ADAMTS2: variants seen among roughly 807,000 people sequenced by gnomAD.
ADAMTS2 encodes the protein A disintegrin and metalloproteinase with thrombospondin motifs 2.
ADAMTS2 carries 50 observed loss-of-function variants against 123.0 expected under a neutral mutation model. The ratio of observed to expected loss-of-function variants is 0.41; its 90% CI spans 0.32 to 0.51. ADAMTS2 has a LOEUF of 0.51. ADAMTS2 is among the 20% of genes least tolerant of loss of function. The pLI is 0.35. For missense variants in ADAMTS2, 1,494 were observed against 1,705.2 expected (o/e 0.88, Z 2.18); for synonymous variants, 678 against 695.4 (o/e 0.98, Z 0.39).
intron 2 of ADAMTS2, among the ~76,000 whole-genome samples, 185 bp from the exon 3 acceptor site, chr5:179,273,249 C>T (rs1325514652): frequency 1.3e-5 from 2 of 152,250 alleles, no homozygotes; most frequent in African/African-American, 2.4e-5. Flanking sequence ...GGCCGCCCCC[C>T]GCCGCCCACC....
At chr5:179,305,390 G>A (rs1181327622) in intron 2 of ADAMTS2, among the ~76,000 whole-genome samples, 1 of 152,140 alleles carries the variant, frequency 6.6e-6, no homozygotes, top group Non-Finnish European at 1.5e-5. Context: ...ACAACATTCA[G>A]GGGAGGACAG....
Position 179,189,939 on chromosome 5 carries a change from AG to A in ADAMTS2, c.892-8785del, listed in dbSNP as rs1764268587. ...CAATATCACAAAGTACATTACCCCAAGGGCGGAGAGGGTGTATTGTTCACAA... is the reference window on the plus strand; with the variant it reads ...CAATATCACAAAGTACATTACCCCAAGGCGGAGAGGGTGTATTGTTCACAA... On this transcript the variant is annotated intron_variant, in intron 4 of 21. Transcript: ENST00000251582. The surrounding 1 kb of genome is among the most constrained non-coding windows in gnomAD (Gnocchi z 4.2). 6.6e-6 allele frequency among the ~76,000 whole-genome samples: 1 copy of A among 152,102 alleles called. No homozygotes were observed. Among genetic ancestry groups the A allele is most frequent in the Non-Finnish European group, 1.5e-5 (1 of 68,024 alleles).
In ADAMTS2 at chr5:179,180,580, T is replaced by C. The variant is rs1346944919; in HGVS notation, c.975+492A>G. Among the ~76,000 whole-genome samples, 1 of 152,054 alleles carries C rather than the reference T, an allele frequency of 6.6e-6. No individual in the cohort carries two copies. Among genetic ancestry groups the C allele is most frequent in the African/African-American group, 2.4e-5 (1 of 41,378 alleles). ...TCCAGCGCCCATGTCCCCAGCCACC[T>C]CCTTTATCAGACTTCACACTCTGAG... On this transcript the variant is annotated intron_variant, in intron 5 of 21. Transcript: ENST00000251582. This position sits in a 1 kb window ranked among gnomAD's most constrained non-coding sequence, Gnocchi z 4.6.
chr5:179,214,611 A>G (rs1192233556), intron 3 of ADAMTS2, among the ~76,000 whole-genome samples: 1 of 152,258 alleles, frequency 6.6e-6, no homozygotes, highest in Non-Finnish European at 1.5e-5. Flanking sequence ...CTTATCAGCT[A>G]TAACAGCAAA....
chr5:179,206,119 A>G (rs1386481012), intron 4 of ADAMTS2, among the ~76,000 whole-genome samples: 1 of 152,218 alleles, frequency 6.6e-6, no homozygotes, highest in African/African-American at 2.4e-5. Context: ...AAGTGTGACA[A>G]CGCTCTCCCA....
intron 2 of ADAMTS2, among the ~76,000 whole-genome samples, chr5:179,339,164 C>T (rs1334724771): frequency 1.3e-5 from 2 of 152,224 alleles, no homozygotes; most frequent in East Asian, 1.9e-4. Context: ...CTGTCCCTCC[C>T]CCTCAGTCCC....
At chr5:179,334,240 G>A (rs1027322581) in intron 2 of ADAMTS2, among the ~76,000 whole-genome samples, 1 of 152,168 alleles carries the variant, frequency 6.6e-6, no homozygotes, top group Admixed American at 6.5e-5. Flanking sequence ...CCCACCTTCT[G>A]CAGGAAGGCT....
At chr5:179,147,904 T>A (rs1763281770) in intron 10 of ADAMTS2, among the ~76,000 whole-genome samples, 1 of 152,210 alleles carries the variant, frequency 6.6e-6, no homozygotes, top group African/African-American at 2.4e-5. Flanking sequence ...TTAAAATATC[T>A]TATTTTTGCA....
chr5:179,315,519 C>T (rs1232902623), intron 2 of ADAMTS2, among the ~76,000 whole-genome samples: 1 of 152,234 alleles, frequency 6.6e-6, no homozygotes, highest in Non-Finnish European at 1.5e-5. Flanking sequence ...GAGGAGAAGC[C>T]AGAGCTAGAA....
chr5:179,164,236 T>C (rs1763654584), intron 5 of ADAMTS2, among the ~76,000 whole-genome samples: 1 of 152,228 alleles, frequency 6.6e-6, no homozygotes, highest in Non-Finnish European at 1.5e-5. Context: ...AGAGATCTTG[T>C]CCTTGCTGGG....
At chr5:179,217,005 C>T (rs1012604968) in intron 3 of ADAMTS2, among the ~76,000 whole-genome samples, 1 of 152,188 alleles carries the variant, frequency 6.6e-6, no homozygotes, top group African/African-American at 2.4e-5. Flanking sequence ...GGCCCATGGG[C>T]CATTGTTCGG....
chr5:179,269,453 G>A (rs528547204), intron 3 of ADAMTS2, among the ~76,000 whole-genome samples: 1 of 152,152 alleles, frequency 6.6e-6, no homozygotes, highest in Non-Finnish European at 1.5e-5. Context: ...CATGGCAGCA[G>A]CCGAGAGAGA....
chr5:179,232,618 G>A (rs1464399586), intron 3 of ADAMTS2, among the ~76,000 whole-genome samples: 1 of 152,172 alleles, frequency 6.6e-6, no homozygotes, highest in African/African-American at 2.4e-5. Context: ...TCATTTCTTA[G>A]CTGCTTCATC....
chr5:179,300,011 T>C (rs1279436676), intron 2 of ADAMTS2, among the ~76,000 whole-genome samples: 2 of 150,388 alleles, frequency 1.3e-5, no homozygotes, highest in Admixed American at 1.3e-4. Context: ...GGAGAATCAC[T>C]TGGACCCAGG....
chr5:179,326,331 C>T (rs949823434), intron 2 of ADAMTS2, among the ~76,000 whole-genome samples: 3 of 151,906 alleles, frequency 2.0e-5, no homozygotes, highest in African/African-American at 4.8e-5. Flanking sequence ...TCGGTGATGT[C>T]AGCGGCTCCT....
At chr5:179,280,145 G>C (rs1176762595) in intron 2 of ADAMTS2, among the ~76,000 whole-genome samples, 2 of 152,196 alleles carry the variant, frequency 1.3e-5, no homozygotes, top group Non-Finnish European at 2.9e-5. Context: ...ACCTTCCCTG[G>C]ACCTGGTTTC....
chr5:179,114,429 A>G, intron 21 of ADAMTS2, 105 bp from the exon 22 acceptor site: 1 of 1,187,050 alleles, frequency 8.4e-7, no homozygotes, highest in Non-Finnish European at 1.2e-6. Flanking sequence ...GAGCCCAGAG[A>G]CAGCACAGAG....
intron 12 of ADAMTS2, among the ~76,000 whole-genome samples, chr5:179,137,251 G>A (rs764717631): frequency 2.6e-5 from 4 of 152,240 alleles, no homozygotes; most frequent in Admixed American, 6.5e-5. Flanking sequence ...CGTCCCAGGA[G>A]GGTCCCCAGC....
At chr5:179,161,178 G>A (rs1490794027) in intron 5 of ADAMTS2, among the ~76,000 whole-genome samples, 2 of 152,148 alleles carry the variant, frequency 1.3e-5, no homozygotes, top group African/African-American at 2.4e-5. Context: ...AGCTCATCTC[G>A]AGTCCCTGCC....
Sources: gnomAD v4.1 joint callset for allele counts (sites outside exome capture counted in the v4.1 genomes callset) on GRCh38, gnomAD v4.1.1 for gene constraint, Gnocchi (gnomAD v3.1) non-coding constraint, MANE v1.5 for transcripts, NCBI Gene and HGNC (gene_info 2026-07-23, HGNC 2026-07-21) for gene names.